The following R3HDM1 variants were observed in gnomAD, a reference collection of about 807,000 sequenced individuals.
The protein encoded by R3HDM1 is R3H domain containing 1.
R3HDM1 carries 46 observed loss-of-function variants against 141.1 expected under a neutral mutation model. The ratio of observed to expected loss-of-function variants is 0.33; its 90% CI spans 0.26 to 0.42. The LOEUF is 0.42. Ranked by LOEUF, R3HDM1 falls within the 10% of genes least tolerant of loss-of-function variation. R3HDM1 has a pLI of 1.00. For missense variants in R3HDM1, 1,184 were observed against 1,368.3 expected (o/e 0.87, Z 2.12); for synonymous variants, 435 against 472.9 (o/e 0.92, Z 1.04).
intron 5 of R3HDM1, among the ~76,000 whole-genome samples, chr2:135,617,877 G>T (rs190092985): frequency 3.7e-4 from 56 of 152,198 alleles, no homozygotes; most frequent in African/African-American, 1.3e-3. Context: ...TCCATGACAT[G>T]TACATCTTTT....
At chr2:135,556,550 G>A (rs969304610) in intron 1 of R3HDM1, among the ~76,000 whole-genome samples, 13 of 146,944 alleles carry the variant, frequency 8.8e-5, no homozygotes, top group African/African-American at 2.8e-4. Flanking sequence ...ATGGAGTCTC[G>A]CTCTGTCCCC....
intron 1 of R3HDM1, among the ~76,000 whole-genome samples, chr2:135,544,150 T>C (rs1698205241): frequency 6.6e-6 from 1 of 152,258 alleles, no homozygotes; most frequent in African/African-American, 2.4e-5. Context: ...ATTATGCTGT[T>C]TTCATTCATT....
chr2:135,607,561 T>C (rs998766588), intron 3 of R3HDM1, among the ~76,000 whole-genome samples: 4 of 152,252 alleles, frequency 2.6e-5, no homozygotes, highest in Non-Finnish European at 4.4e-5. Flanking sequence ...AGCATGCCAG[T>C]GTCCTGATTG....
At chr2:135,608,565 A>G (rs2060269082) in intron 3 of R3HDM1, among the ~76,000 whole-genome samples, 2 of 152,190 alleles carry the variant, frequency 1.3e-5, no homozygotes, top group South Asian at 4.1e-4. Flanking sequence ...AAGCATCAAC[A>G]GGGAATAAGT....
chr2:135,622,888 C>A, intron 7 of R3HDM1, 156 bp downstream of exon 7: 1 of 983,320 alleles, frequency 1.0e-6, no homozygotes, highest in South Asian at 4.7e-5. Context: ...TGTTGTTGGT[C>A]TAGTATATGC....
chr2:135,641,474 A>G, intron 14 of R3HDM1, 62 bp from the exon 15 acceptor site: 1 of 1,493,768 alleles, frequency 6.7e-7, no homozygotes, highest in Non-Finnish European at 9.0e-7. Flanking sequence ...TTGTTGTTTT[A>G]AAAACCTGTG....
intron 5 of R3HDM1, among the ~76,000 whole-genome samples, chr2:135,617,304 G>A (rs551940874): frequency 6.6e-6 from 1 of 151,028 alleles, no homozygotes; most frequent in African/African-American, 2.5e-5. Flanking sequence ...TCCAACCTGG[G>A]CGACAGAGCG....
At chr2:135,630,226 G>A (rs570125055) in intron 7 of R3HDM1, among the ~76,000 whole-genome samples, 2 of 128,988 alleles carry the variant, frequency 1.6e-5, no homozygotes, top group South Asian at 2.6e-4. Context: ...GTAGTGAGCC[G>A]AGATTGTGCC....
At chr2:135,567,050 C>T (rs6739541) in intron 1 of R3HDM1, among the ~76,000 whole-genome samples, 1,569 of 151,740 alleles carry the variant, frequency 0.01, 25 homozygotes, top group African/African-American at 0.036. Flanking sequence ...CTCTACCACA[C>T]GTCTTTGTGG....
chr2:135,594,538 C>T lies in R3HDM1; in HGVS notation c.-249-7962C>T, dbSNP rs115743779. Among the ~76,000 whole-genome samples, 701 of 151,952 alleles carry T rather than the reference C, an allele frequency of 4.6e-3. 6 individuals carry two copies. Among genetic ancestry groups the T allele is most frequent in the African/African-American group, 0.016 (663 of 41,234 alleles). On this transcript the variant is annotated intron_variant, in intron 1 of 26. Transcript: ENST00000683871. ...GAATGTTCGTGTTGGCCTTAATGAA[C>T]CACCCCTTAGTGACTCAGTCACCAT...
chr2:135,623,722 C>T (rs1189639438), intron 7 of R3HDM1, among the ~76,000 whole-genome samples: 1 of 152,114 alleles, frequency 6.6e-6, no homozygotes, highest in African/African-American at 2.4e-5. Context: ...TTGAACAGCT[C>T]TAACTATGTG....
At chr2:135,591,469 G>A (rs533123422) in intron 1 of R3HDM1, among the ~76,000 whole-genome samples, 15 of 152,312 alleles carry the variant, frequency 9.8e-5, no homozygotes, top group Non-Finnish European at 1.9e-4. Context: ...GCCAAAGTCT[G>A]TGTAAAGCAA....
intron 24 of R3HDM1, among the ~76,000 whole-genome samples, chr2:135,718,032 C>T (rs1002424065): frequency 2.0e-5 from 3 of 152,170 alleles, no homozygotes; most frequent in Non-Finnish European, 4.4e-5. Context: ...GCTACTGACA[C>T]ACAACAACAT....
intron 1 of R3HDM1, among the ~76,000 whole-genome samples, chr2:135,572,580 G>A (rs942217997): frequency 1.5e-4 from 23 of 152,212 alleles, no homozygotes; most frequent in Non-Finnish European, 2.2e-4. Flanking sequence ...GTCCTACATT[G>A]CTCTTGGGAA....
chr2:135,564,928 A>G (rs1702443480), intron 1 of R3HDM1, among the ~76,000 whole-genome samples: 2 of 152,210 alleles, frequency 1.3e-5, no homozygotes, highest in African/African-American at 2.4e-5. Flanking sequence ...ATTTTAACTA[A>G]AAATCAGATC....
intron 1 of R3HDM1, among the ~76,000 whole-genome samples, chr2:135,562,240 A>C (rs1400306867): frequency 2.6e-5 from 4 of 152,204 alleles, no homozygotes; most frequent in Non-Finnish European, 5.9e-5. Flanking sequence ...CAGGCTTTAC[A>C]TTTGATCTTT....
intron 1 of R3HDM1, chr2:135,583,782 G>A: frequency 1.0e-6 from 1 of 985,398 alleles, no homozygotes; most frequent in Non-Finnish European, 1.2e-6. Flanking sequence ...AGTTCCGCAA[G>A]AGCTAAGCCA....
At chr2:135,623,433 A>C (rs1341874026) in intron 7 of R3HDM1, among the ~76,000 whole-genome samples, 1 of 152,190 alleles carries the variant, frequency 6.6e-6, no homozygotes, top group African/African-American at 2.4e-5. Context: ...ATATGGGCAC[A>C]CGGAAGATAA....
At chr2:135,670,171 A>G in intron 19 of R3HDM1, 1 of 242,900 alleles carries the variant, frequency 4.1e-6, no homozygotes, top group Non-Finnish European at 6.6e-6. Context: ...AACAAAAAAG[A>G]TTAGCTTGTG....
Sources: allele counts gnomAD v4.1 joint callset (sites outside exome capture counted in the v4.1 genomes callset), GRCh38; gene constraint gnomAD v4.1.1; transcripts MANE v1.5; gene names NCBI Gene and HGNC (gene_info 2026-07-23, HGNC 2026-07-21).